The following CSMD3 variants were observed in gnomAD, a reference collection of about 807,000 sequenced individuals.
CSMD3 encodes CUB and sushi domain-containing protein 3.
In CSMD3, 177 loss-of-function variants were observed where a neutral mutation model predicts 435.2. The observed-to-expected ratio is 0.41, with a 90% CI of 0.36 to 0.46. The LOEUF (loss-of-function observed/expected upper bound fraction) is 0.46, where lower values mean the gene tolerates loss of function less well. CSMD3 is among the 20% of genes least tolerant of loss of function. CSMD3 has a pLI of 0.34. For missense variants in CSMD3, 4,265 were observed against 4,504.6 expected (o/e 0.95, Z 1.52); for synonymous variants, 1,656 against 1,520.5 (o/e 1.09, Z -2.07).
At chr8:112,483,663 A>G (rs1170150163) in intron 31 of CSMD3, among the ~76,000 whole-genome samples, 1 of 152,276 alleles carries the variant, frequency 6.6e-6, no homozygotes, top group Non-Finnish European at 1.5e-5. Flanking sequence ...GATCTACTCC[A>G]GAATCTTCTG....
At chr8:112,514,425 T>G (rs1442321553) in intron 28 of CSMD3, among the ~76,000 whole-genome samples, 1 of 152,148 alleles carries the variant, frequency 6.6e-6, no homozygotes, top group Admixed American at 6.6e-5. Flanking sequence ...ATGAATTAAG[T>G]TTTCAGTAAT....
chr8:112,292,756 A>T, intron 54 of CSMD3, 46 bp from the exon 55 acceptor site: 1 of 1,529,820 alleles, frequency 6.5e-7, no homozygotes, highest in Non-Finnish European at 9.1e-7. Context: ...ACAGAAAAAA[A>T]ATATTTAGTT....
chr8:112,496,255 T>C (rs1821332014), intron 30 of CSMD3, among the ~76,000 whole-genome samples: 1 of 152,106 alleles, frequency 6.6e-6, no homozygotes, highest in Non-Finnish European at 1.5e-5. Flanking sequence ...AGGCGTGAGC[T>C]ACCACGTCCA....
chr8:112,424,088 A>G (rs1812803145), intron 32 of CSMD3, among the ~76,000 whole-genome samples: 1 of 152,192 alleles, frequency 6.6e-6, no homozygotes, highest in Non-Finnish European at 1.5e-5. Flanking sequence ...TTCTATTCAA[A>G]GGGAAAATGG....
rs748389391 is a variant in CSMD3, at chr8:112,506,694, A to G, written c.4892T>C (p.Ile1631Thr). The change falls in exon 29 of 71, where the codon ATC becomes ACC. Residue 1631 changes from isoleucine (I) to threonine (T), a missense_variant. Coordinates refer to ENST00000297405, the MANE Select transcript of CSMD3 (RefSeq NM_198123.2). ...AAATAAATATATAAGAACTCACCTG[A>G]TGAACGCCAAGGAGATAACATAGTC... is the stretch of plus-strand genomic sequence containing the variant. ...NADYVISLAF[I>T]SFSIEPNYDF... The G allele has an allele frequency of 6.2e-7, 1 of 1,613,608 alleles. No homozygotes were observed. The highest frequency in any genetic ancestry group is 8.5e-7 in the Non-Finnish European group (1 of 1,179,544).
At chr8:112,728,982 T>C (rs1351236023) in intron 13 of CSMD3, among the ~76,000 whole-genome samples, 4 of 152,036 alleles carry the variant, frequency 2.6e-5, no homozygotes, top group Non-Finnish European at 4.4e-5. Flanking sequence ...CAAACACACA[T>C]ATATATATTT....
chr8:112,274,792 AT>A (rs952950904), intron 59 of CSMD3, among the ~76,000 whole-genome samples: 1 of 152,126 alleles, frequency 6.6e-6, no homozygotes, highest in African/African-American at 2.4e-5. Flanking sequence ...AAGAAAAATA[AT>A]ACCTCATGCA....
intron 10 of CSMD3, among the ~76,000 whole-genome samples, chr8:112,884,910 C>T (rs113046491): frequency 6.6e-6 from 1 of 151,152 alleles, no homozygotes; most frequent in Non-Finnish European, 1.5e-5. Context: ...TTTTCCAGGA[C>T]CTTCTTATCA....
chr8:112,571,805 G>T (rs755988932), intron 24 of CSMD3, among the ~76,000 whole-genome samples: 2 of 151,174 alleles, frequency 1.3e-5, no homozygotes, highest in Non-Finnish European at 2.9e-5. Context: ...GGAGGGAGAG[G>T]TTGCAGTAAG....
At chr8:113,193,980 C>T (rs758508240) in intron 3 of CSMD3, among the ~76,000 whole-genome samples, 16 of 151,098 alleles carry the variant, frequency 1.1e-4, no homozygotes, top group Non-Finnish European at 2.2e-4. Flanking sequence ...CACTATGTGT[C>T]TAAACAATAA....
At chr8:112,724,602 G>A (rs1159608645) in intron 13 of CSMD3, among the ~76,000 whole-genome samples, 4 of 152,072 alleles carry the variant, frequency 2.6e-5, no homozygotes, top group Non-Finnish European at 4.4e-5. Flanking sequence ...ATAACTTGGG[G>A]AATTAGGTGT....
Position 112,650,173 on chromosome 8 carries a change from G to C in CSMD3, c.3181C>G (p.Pro1061Ala), listed in dbSNP as rs2131631666. ...EKNHWWSHPL[P>A]TCDALCGGDV... is the part of the protein sequence containing the mutation. ...AATGAGTTATTACCATCACAGGTTGGAAGTGGATGACTCCACCAGTGGTTT... is the reference window on the plus strand; with the variant it reads ...AATGAGTTATTACCATCACAGGTTGCAAGTGGATGACTCCACCAGTGGTTT... The change falls in exon 19 of 71, where the codon CCA becomes GCA. Residue 1061 changes from proline (P) to alanine (A), a missense_variant. By Grantham distance (27) the Pro-to-Ala change is conservative. Around this residue, in one of 3 missense-constraint regions of CSMD3, gnomAD observed 3,255 missense variants for 3,380.2 expected, o/e 0.96. Transcript: ENST00000297405. 2 of 1,610,534 alleles carry C rather than the reference G, an allele frequency of 1.2e-6. No individual in the cohort carries two copies. The highest frequency in any genetic ancestry group is 1.1e-5 in the South Asian group (1 of 91,000).
chr8:113,089,809 T>C (rs2089939380), intron 5 of CSMD3, among the ~76,000 whole-genome samples: 2 of 152,126 alleles, frequency 1.3e-5, no homozygotes, highest in Non-Finnish European at 2.9e-5. Context: ...GAAAATTCCA[T>C]ATCATCTTAT....
At chr8:113,306,533 C>T (rs1253702084) in intron 2 of CSMD3, among the ~76,000 whole-genome samples, 1 of 152,112 alleles carries the variant, frequency 6.6e-6, no homozygotes, top group African/African-American at 2.4e-5. Context: ...AAGTCATTCT[C>T]TACCTCAACA....
chr8:112,922,296 T>C (rs532212061), intron 9 of CSMD3, among the ~76,000 whole-genome samples: 4 of 152,170 alleles, frequency 2.6e-5, no homozygotes, highest in Admixed American at 2.6e-4. Flanking sequence ...CATGAAGTCA[T>C]GCAATACGAA....
intron 1 of CSMD3, among the ~76,000 whole-genome samples, chr8:113,336,209 A>G (rs1272689435): frequency 6.6e-6 from 1 of 151,998 alleles, no homozygotes; most frequent in Non-Finnish European, 1.5e-5. Flanking sequence ...TGATCCCAAT[A>G]ATTGAGCTTT....
chr8:113,178,893 G>A (rs1345103453), intron 3 of CSMD3, among the ~76,000 whole-genome samples: 2 of 151,800 alleles, frequency 1.3e-5, no homozygotes, highest in African/African-American at 4.8e-5. Flanking sequence ...CTTTTCATAG[G>A]CTCATAAATA....
chr8:113,274,253 A>T (rs927771831), intron 3 of CSMD3, among the ~76,000 whole-genome samples: 9 of 152,098 alleles, frequency 5.9e-5, no homozygotes, highest in Non-Finnish European at 1.2e-4. Flanking sequence ...ATATTTGCCT[A>T]AAGAATATAA....
intron 13 of CSMD3, among the ~76,000 whole-genome samples, chr8:112,738,378 A>T (rs1005594352): frequency 2.6e-5 from 4 of 151,766 alleles, no homozygotes; most frequent in Non-Finnish European, 5.9e-5. Flanking sequence ...ACATAACAAA[A>T]CAAAATCAGA....
Sources: gnomAD v4.1 joint callset for allele counts (sites outside exome capture counted in the v4.1 genomes callset) on GRCh38, gnomAD v4.1.1 for gene constraint, gnomAD v4.1.1 regional missense constraint, MANE v1.5 for transcripts, NCBI Gene and HGNC (gene_info 2026-07-23, HGNC 2026-07-21) for gene names.